RFX2: variants seen among roughly 807,000 people sequenced by gnomAD.
The protein encoded by RFX2 is DNA-binding protein RFX2.
A neutral mutation model predicts 87.8 loss-of-function variants in RFX2; 20 were observed. That is an observed-to-expected ratio of 0.23 (90% confidence interval 0.16 to 0.33). The LOEUF is 0.33. RFX2 is among the 10% of genes least tolerant of loss of function. RFX2 has a pLI of 1.00. For synonymous variants in RFX2, 397 were observed against 431.3 expected (o/e 0.92, Z 0.98); for missense variants, 767 against 1,012.3 (o/e 0.76, Z 3.29).
intron 13 of RFX2, among the ~76,000 whole-genome samples, chr19:6,003,777 T>TGAAAAAAA (rs1318446976): frequency 9.1e-5 from 3 of 32,832 alleles, no homozygotes; most frequent in Admixed American, 5.0e-4. Flanking sequence ...AGACTCTGTC[T>TGAAAAAAA]CAAAAAAAAA....
chr19:6,087,262 A>T (rs546071843), intron 1 of RFX2, among the ~76,000 whole-genome samples: 6 of 152,192 alleles, frequency 3.9e-5, no homozygotes, highest in African/African-American at 7.2e-5. Flanking sequence ...GCAGGGAGCC[A>T]CAGTCCACAG....
chr19:5,998,596 T>C lies in RFX2; in HGVS notation c.1860-1383A>G, dbSNP rs1409966117. 6.6e-6 allele frequency among the ~76,000 whole-genome samples: 1 copy of C among 152,102 alleles called. No homozygotes were observed. The highest frequency in any genetic ancestry group is 2.4e-5 in the African/African-American group (1 of 41,414). On this transcript the variant is annotated intron_variant, in intron 15 of 17. Transcript: ENST00000303657. This position sits in a 1 kb window ranked among gnomAD's most constrained non-coding sequence, Gnocchi z 4.2. ...AGCTGCAAAGCCCCCAGCCCCCTCC[T>C]GTTCCTCCGGGCCCACCCAGGTTGG...
chr19:6,104,644 C>A (rs1000603385), intron 1 of RFX2, among the ~76,000 whole-genome samples: 1 of 152,084 alleles, frequency 6.6e-6, no homozygotes, highest in African/African-American at 2.4e-5. Context: ...TGGGTTCAAG[C>A]GATCCTCCTG....
At chr19:6,078,017 A>G (rs2087719540) in intron 1 of RFX2, 1 of 151,024 alleles carries the variant, frequency 6.6e-6, no homozygotes, top group African/African-American at 2.4e-5. Flanking sequence ...AGGCACTGGC[A>G]CATGCTGTAA....
At position 6,007,138 on chromosome 19, in the gene RFX2, G is replaced by A. The variant is rs755484549; in HGVS notation, c.1276C>T (p.Pro426Ser). Reference sequence around the variant, plus strand: ...CACAGGGAGATAAGCTTGTCCTTGGGCAGGACGGCGCCCTCGGGGTCTTCG... The same window carrying A: ...CACAGGGAGATAAGCTTGTCCTTGGACAGGACGGCGCCCTCGGGGTCTTCG... ...SDEDPEGAVL[P>S]KDKLISLCQC... The change falls in exon 12 of 18, where the codon CCC becomes TCC. Residue 426 changes from proline to serine, a missense_variant. By Grantham distance (74) the Pro-to-Ser change is moderately conservative. This residue lies in a region of RFX2 where 621 missense variants were observed against 873.0 expected (regional missense o/e 0.71). Transcript: ENST00000303657. The surrounding 1 kb of genome is among the most constrained non-coding windows in gnomAD (Gnocchi z 8.2). 9.3e-6 allele frequency: 15 copies of A among 1,613,984 alleles called. No individual in the cohort carries two copies. The South Asian group carries it at 9.9e-5, about 11-fold the overall frequency.
Position 6,027,771 on chromosome 19 carries a change from T to G in RFX2, c.523-1534A>C, listed in dbSNP as rs2086910149. 6.6e-6 allele frequency among the ~76,000 whole-genome samples: 1 copy of G among 152,232 alleles called. No individual in the cohort carries two copies. Among genetic ancestry groups the G allele is most frequent in the African/African-American group, 2.4e-5 (1 of 41,460 alleles). On this transcript the variant is annotated intron_variant, in intron 5 of 17. Transcript: ENST00000303657. The surrounding 1 kb of genome is among the most constrained non-coding windows in gnomAD (Gnocchi z 5.0). ...TGAAAAAGAGCTTTATTTACTTATC[T>G]TTTTCTTGAGCCAGAGTCTTACTCT...
Position 6,007,734 on chromosome 19 carries a change from G to T in RFX2, c.1203C>A (p.Asn401Lys). Residue 401 changes from asparagine to lysine, a missense_variant, in exon 11 of 18, where the codon AAC (asparagine) becomes AAA (lysine). This residue lies in a region of RFX2 where 621 missense variants were observed against 873.0 expected (regional missense o/e 0.71). Coordinates refer to ENST00000303657, the MANE Select transcript of RFX2 (RefSeq NM_000635.4). This position sits in a 1 kb window ranked among gnomAD's most constrained non-coding sequence, Gnocchi z 8.2. ...YIEKLWLSFW[N>K]SKASSSDGPT... ...GGCCGTCGCTGGAGGAGGCCTTAGA[G>T]TTCCAGAAGGAGAGCCACAGCTTCT... 6.4e-7 allele frequency: 1 copy of T among 1,556,430 alleles called. No homozygotes were observed. The highest frequency in any genetic ancestry group is 1.2e-5 in the South Asian group (1 of 84,436).
Position 6,061,587 on chromosome 19 carries a change from C to G in RFX2, c.-8-14083G>C, listed in dbSNP as rs1028189468. Among the ~76,000 whole-genome samples the G allele has an allele frequency of 3.9e-5, 6 of 152,220 alleles. No individual in the cohort carries two copies. The highest frequency in any genetic ancestry group is 8.8e-5 in the Non-Finnish European group (6 of 68,046). On this transcript the variant is annotated intron_variant, in intron 1 of 17. Transcript: ENST00000303657. This position sits in a 1 kb window ranked among gnomAD's most constrained non-coding sequence, Gnocchi z 5.2. ...ATTTGGTTCCCTTCCTACTCCCGGC[C>G]CCGCCTCTGGATCTTACTGGGGAGT...
chr19:6,049,820 G>A (rs577205744), intron 1 of RFX2, among the ~76,000 whole-genome samples: 1 of 152,356 alleles, frequency 6.6e-6, no homozygotes, highest in African/African-American at 2.4e-5. Context: ...AAGCCACCGT[G>A]CCCAGCCTGT....
chr19:6,043,636 G>C (rs1312367280), intron 3 of RFX2, among the ~76,000 whole-genome samples: 1 of 152,232 alleles, frequency 6.6e-6, no homozygotes, highest in African/African-American at 2.4e-5. Flanking sequence ...AGAATTGAGT[G>C]GTTGTTCCAG....
chr19:6,105,102 G>C lies in RFX2; in HGVS notation c.-9+5291C>G, dbSNP rs558776101. Among the ~76,000 whole-genome samples, 4 of 147,568 alleles carry C rather than the reference G, an allele frequency of 2.7e-5. No homozygotes were observed. In the South Asian group the frequency reaches 8.5e-4, roughly 31 times the overall value. The stretch of plus-strand genomic sequence containing the variant: ...CACTACACTCCAGCCTGGTGACAGA[G>C]TGAGACTCCGTCTCACAAAAAAAAA... On this transcript the variant is annotated intron_variant, in intron 1 of 17. Transcript: ENST00000303657.
chr19:6,059,742 C>T (rs1197081798), intron 1 of RFX2, among the ~76,000 whole-genome samples: 1 of 152,108 alleles, frequency 6.6e-6, no homozygotes, highest in African/African-American at 2.4e-5. Flanking sequence ...TACACAAACA[C>T]ACACACACAA....
At chr19:6,053,017 T>C (rs1027145468) in intron 1 of RFX2, among the ~76,000 whole-genome samples, 3 of 151,870 alleles carry the variant, frequency 2.0e-5, no homozygotes, top group Non-Finnish European at 2.9e-5. Flanking sequence ...TTTTCAACCT[T>C]AAAAAGCTAT....
chr19:6,096,131 C>A (rs1297442661), intron 1 of RFX2, among the ~76,000 whole-genome samples: 1 of 152,172 alleles, frequency 6.6e-6, no homozygotes, highest in East Asian at 1.9e-4. Flanking sequence ...TTCCTTTGCT[C>A]AAATAAAATA....
intron 1 of RFX2, among the ~76,000 whole-genome samples, chr19:6,098,965 CAAAAAAAAAAAAAAAA>C (rs34110529): frequency 0.089 from 4,712 of 53,064 alleles, 352 homozygotes; most frequent in African/African-American, 0.23. Context: ...GCTTGAACCA[CAAAAAAAAAAAAAAAA>C]AAAAAAAAAA....
chr19:6,003,578 A>G (rs1209178237), intron 13 of RFX2, among the ~76,000 whole-genome samples: 1 of 151,840 alleles, frequency 6.6e-6, no homozygotes, highest in African/African-American at 2.4e-5. Context: ...GGAGTTCGAG[A>G]CCAGCCTGGC....
rs1239503114 is a variant in RFX2, at chr19:6,012,739, G to A, written c.899+247C>T. Among the ~76,000 whole-genome samples the A allele has an allele frequency of 6.6e-6, 1 of 152,132 alleles. No individual in the cohort carries two copies. Among genetic ancestry groups the A allele is most frequent in the Non-Finnish European group, 1.5e-5 (1 of 68,016 alleles). The stretch of plus-strand genomic sequence containing the variant: ...TGAACCTAGAATGGCTCTAAAAAAT[G>A]AAGTCTGTTAAAAACAGTTTTAAAC... On this transcript the variant is annotated intron_variant, in intron 8 of 17. Coordinates refer to ENST00000303657, the MANE Select transcript of RFX2 (RefSeq NM_000635.4). This position sits in a 1 kb window ranked among gnomAD's most constrained non-coding sequence, Gnocchi z 4.6.
At chr19:6,060,997 C>T (rs776669539) in intron 1 of RFX2, among the ~76,000 whole-genome samples, 1 of 152,164 alleles carries the variant, frequency 6.6e-6, no homozygotes, top group Non-Finnish European at 1.5e-5. Flanking sequence ...AAACTCTCCC[C>T]CCGCCAAAAT....
intron 5 of RFX2, among the ~76,000 whole-genome samples, chr19:6,033,827 T>C (rs1392199422): frequency 2.0e-5 from 3 of 152,000 alleles, no homozygotes; most frequent in Non-Finnish European, 2.9e-5. Context: ...GGGAACTCTA[T>C]GAAGTTTTAA....
Sources: allele counts gnomAD v4.1 joint callset (sites outside exome capture counted in the v4.1 genomes callset), GRCh38; gene constraint gnomAD v4.1.1; regional missense constraint gnomAD v4.1.1; non-coding constraint Gnocchi (gnomAD v3.1); transcripts MANE v1.5; gene names NCBI Gene and HGNC (gene_info 2026-07-23, HGNC 2026-07-21).